Variants in MAP6D1 observed in about 807,000 individuals in gnomAD.
MAP6D1 encodes the protein MAP6 domain-containing protein 1.
A neutral mutation model predicts 17.4 loss-of-function variants in MAP6D1; 13 were observed. The observed-to-expected ratio is 0.75, with a 90% CI of 0.49 to 1.19. MAP6D1 has a LOEUF of 1.19. MAP6D1 is among the 50% of genes most tolerant of loss of function. The probability of loss-of-function intolerance (pLI) is 0.00; values close to 1 mark genes in which losing one functional copy is unlikely to be tolerated. For synonymous variants in MAP6D1, 141 were observed against 145.7 expected (o/e 0.97, Z 0.23); for missense variants, 313 against 312.6 (o/e 1.00, Z -0.01).
At position 183,825,486 on chromosome 3, in the gene MAP6D1, C is replaced by A. The variant is rs1360212745; in HGVS notation, c.62G>T (p.Arg21Leu). Residue 21 changes from arginine to leucine, a missense_variant, in exon 1 of 3, where the codon CGC (arginine) becomes CTC (leucine). Coordinates refer to ENST00000318631, the MANE Select transcript of MAP6D1 (RefSeq NM_024871.4). ...AGTGAGCGGCACCGCCACGTCGGAG[C>A]GGTCCAGCTGGTTCCAGCGCCGCGC... The part of the protein sequence containing the change: ...CLARRWNQLD[R>L]SDVAVPLTLH... 7.0e-7 allele frequency: 1 copy of A among 1,427,128 alleles called. No individual in the cohort carries two copies. Among genetic ancestry groups the A allele is most frequent in the Non-Finnish European group, 9.1e-7 (1 of 1,093,200 alleles). 88.4% of individuals were successfully genotyped at this position (1,427,128 alleles called of 1,614,324 possible). A position where few individuals can be genotyped will look rare whatever the true frequency, so the allele number is the denominator to read the frequency against.
At position 183,817,404 on chromosome 3, in the gene MAP6D1, G is replaced by A. The variant is rs1727139837; in HGVS notation, c.552C>T (p.Asn184=). The change falls in exon 3 of 3, where the codon AAC becomes AAT. Residue 184 remains asparagine, a synonymous_variant. Transcript: ENST00000318631. The stretch of plus-strand genomic sequence containing the variant: ...CTGAGGCCTGAAAGATGGCGGAGGG[G>A]TTAGGAGTGAACTTCTTCCTCACCT... ...VPEVRKKFTP[N]PSAIFQASAP... is the part of the protein sequence containing the mutation. 5 of 1,570,096 alleles carry A rather than the reference G, an allele frequency of 3.2e-6. No individual in the cohort carries two copies. Among genetic ancestry groups the A allele is most frequent in the Non-Finnish European group, 4.3e-6 (5 of 1,157,248 alleles).
chr3:183,825,218 G>C lies in MAP6D1; in HGVS notation c.330C>G (p.Pro110=). Reference sequence around the variant, plus strand: ...GCAGCACGTAGACCCCGCGGGCGCCGGGCGCAGGTGGCGCGGAGGACTGCG... The same window carrying C: ...GCAGCACGTAGACCCCGCGGGCGCCCGGCGCAGGTGGCGCGGAGGACTGCG... The part of the protein sequence containing the change: ...SSAQSSAPPA[P]GARGVYVLPI... The change falls in exon 1 of 3, where the codon CCC becomes CCG. Residue 110 remains proline, a synonymous_variant. Transcript: ENST00000318631. 1 of 1,430,748 alleles carries C rather than the reference G, an allele frequency of 7.0e-7. No individual in the cohort carries two copies. The highest frequency in any genetic ancestry group is 9.2e-7 in the Non-Finnish European group (1 of 1,090,592). The allele number at this position is 1,430,748 out of a possible 1,614,324, so 88.6% of individuals were successfully genotyped here.
At chr3:183,821,541 CT>C (rs59131602) in intron 1 of MAP6D1, among the ~76,000 whole-genome samples, 15,069 of 97,666 alleles carry the variant, frequency 0.15, 548 homozygotes, top group Middle Eastern at 0.23. Flanking sequence ...TGAGGGATTG[CT>C]TTTTTTTTTT....
At chr3:183,818,234 A>G (rs1235567282) in intron 1 of MAP6D1, 123 bp from the exon 2 acceptor site, 6 of 763,882 alleles carry the variant, frequency 7.9e-6, no homozygotes, top group Non-Finnish European at 1.3e-5. Flanking sequence ...GGCTCCAGGC[A>G]GTCCTCATCA....
In MAP6D1 at chr3:183,825,246, G is replaced by A. The variant is rs1406146908; in HGVS notation, c.302C>T (p.Ser101Phe). 7.2e-7 allele frequency: 1 copy of A among 1,380,266 alleles called. No homozygotes were observed. Among genetic ancestry groups the A allele is most frequent in the East Asian group, 3.1e-5 (1 of 32,548 alleles). 85.5% of individuals were successfully genotyped at this position (1,380,266 alleles called of 1,614,324 possible). A position where few individuals can be genotyped will look rare whatever the true frequency, so the allele number is the denominator to read the frequency against. ...CGCAGGTGGCGCGGAGGACTGCGCGGAGGATTTGCCCCTGCGGCCGCCCGC... is the reference window on the plus strand; with the variant it reads ...CGCAGGTGGCGCGGAGGACTGCGCGAAGGATTTGCCCCTGCGGCCGCCCGC... ...PGAGGRRGKS[S>F]AQSSAPPAPG... The change falls in exon 1 of 3, where the codon TCC becomes TTC. Residue 101 changes from serine (S) to phenylalanine (F), a missense_variant. Ser to Phe is a radical substitution (Grantham distance 155). Transcript: ENST00000318631.
chr3:183,820,633 C>T (rs1470364478), intron 1 of MAP6D1, among the ~76,000 whole-genome samples: 2 of 151,862 alleles, frequency 1.3e-5, no homozygotes, highest in African/African-American at 2.4e-5. Flanking sequence ...GGCACAGTGG[C>T]TCATGCCTGT....
chr3:183,824,196 T>C (rs1230411456), intron 1 of MAP6D1, among the ~76,000 whole-genome samples: 1 of 152,190 alleles, frequency 6.6e-6, no homozygotes, highest in Admixed American at 6.5e-5. Flanking sequence ...AGGATACCTG[T>C]AGGGAAAATT....
chr3:183,818,127 C>G lies in MAP6D1; in HGVS notation c.402-16G>C. 1.2e-6 allele frequency: 2 copies of G among 1,606,222 alleles called. No homozygotes were observed. Among genetic ancestry groups the G allele is most frequent in the Non-Finnish European group, 1.7e-6 (2 of 1,172,822 alleles). ...GAATTCCTGTCTGGAACAGAGAACA[C>G]GGTCACAAGCTTGCACAGGGTCAGC... On this transcript the variant is annotated splice_polypyrimidine_tract_variant and intron_variant, in intron 1 of 2. Transcript: ENST00000318631.
intron 1 of MAP6D1, among the ~76,000 whole-genome samples, chr3:183,819,507 G>A (rs1727196533): frequency 6.6e-6 from 1 of 152,220 alleles, no homozygotes; most frequent in Non-Finnish European, 1.5e-5. Flanking sequence ...AGCAATCCTG[G>A]CGGCCGCCAG....
intron 2 of MAP6D1, 147 bp downstream of exon 2, chr3:183,817,847 A>C: frequency 1.4e-6 from 1 of 713,476 alleles, no homozygotes; most frequent in South Asian, 1.7e-5. Flanking sequence ...ATGAGGAAGT[A>C]CCTTGGGTTT....
intron 1 of MAP6D1, among the ~76,000 whole-genome samples, chr3:183,823,875 C>G (rs1296171485): frequency 6.6e-6 from 1 of 152,188 alleles, no homozygotes; most frequent in African/African-American, 2.4e-5. Context: ...GAGTGAAAAG[C>G]CTTCCACCCC....
chr3:183,817,853 G>C (rs886419820), intron 2 of MAP6D1, 141 bp downstream of exon 2: 1 of 733,634 alleles, frequency 1.4e-6, no homozygotes, highest in African/African-American at 1.8e-5. Flanking sequence ...AAGTACCTTG[G>C]GTTTTTGTTC....
In MAP6D1 at chr3:183,817,214, T is replaced by C. The variant is rs1727133579; in HGVS notation, c.*142A>G. On this transcript the variant is annotated 3_prime_UTR_variant, in exon 3 of 3. Coordinates refer to ENST00000318631, the MANE Select transcript of MAP6D1 (RefSeq NM_024871.4). ...GTGCATCTGCTCCACACCAGCACTT[T>C]GGCCCTGGTGACAGCTTTGAGAGGG... 7 of 776,672 alleles carry C rather than the reference T, an allele frequency of 9.0e-6. No homozygotes were observed. In the South Asian group the frequency reaches 9.6e-5, roughly 11 times the overall value. The allele number at this position is 776,672 out of a possible 1,614,324, so 48.1% of individuals were successfully genotyped here.
intron 2 of MAP6D1, 53 bp from the exon 3 acceptor site, chr3:183,817,489 C>T (rs1258608173): frequency 1.4e-6 from 2 of 1,452,744 alleles, no homozygotes; most frequent in Non-Finnish European, 1.9e-6. Context: ...TAACTCCCTA[C>T]TCTTCCCCAC....
At chr3:183,817,464 A>G in intron 2 of MAP6D1, 28 bp from the exon 3 acceptor site, 3 of 1,546,112 alleles carry the variant, frequency 1.9e-6, no homozygotes, top group South Asian at 1.2e-5. Flanking sequence ...GCCACATATC[A>G]GTGGGACTTT....
intron 1 of MAP6D1, among the ~76,000 whole-genome samples, chr3:183,821,422 G>A (rs1436231941): frequency 6.6e-6 from 1 of 152,160 alleles, no homozygotes; most frequent in Non-Finnish European, 1.5e-5. Flanking sequence ...CTCAGGGAGT[G>A]CTGAGCCTGG....
chr3:183,825,313 G>T lies in MAP6D1; in HGVS notation c.235C>A (p.Pro79Thr), dbSNP rs1294916055. ...YQRDFGLWTT[P>T]AGPKDPPPGR... ...GGCGGCGGATCCTTGGGCCCGGCGGGCGTGGTCCACAAGCCGAAGTCCCGC... is the reference window on the plus strand; with the variant it reads ...GGCGGCGGATCCTTGGGCCCGGCGGTCGTGGTCCACAAGCCGAAGTCCCGC... The change falls in exon 1 of 3, where the codon CCC becomes ACC. Residue 79 changes from proline (P) to threonine (T), a missense_variant. Coordinates refer to ENST00000318631, the MANE Select transcript of MAP6D1 (RefSeq NM_024871.4). 3.7e-6 allele frequency: 5 copies of T among 1,354,658 alleles called. No individual in the cohort carries two copies. The highest frequency in any genetic ancestry group is 4.7e-6 in the Non-Finnish European group (5 of 1,055,388). 83.9% of individuals were successfully genotyped at this position (1,354,658 alleles called of 1,614,324 possible).
intron 2 of MAP6D1, 124 bp downstream of exon 2, chr3:183,817,870 T>A: frequency 1.3e-6 from 1 of 795,484 alleles, no homozygotes; most frequent in Admixed American, 2.2e-5. Flanking sequence ...GTTCGGGACA[T>A]CTGGTTGGCA....
At position 183,817,471 on chromosome 3, in the gene MAP6D1, C is replaced by G. The variant is rs1727142810; in HGVS notation, c.520-35G>C. 3.3e-6 allele frequency: 5 copies of G among 1,532,962 alleles called. No individual in the cohort carries two copies. In the South Asian group the frequency reaches 6.0e-5, roughly 18 times the overall value. The allele number at this position is 1,532,962 out of a possible 1,614,324, so 95.0% of individuals were successfully genotyped here. ...GAAGTGTGGCCACATATCAGTGGGA[C>G]TTTTCCTTAACTCCCTACTCTTCCC... is the stretch of plus-strand genomic sequence containing the variant. On this transcript the variant is annotated intron_variant, in intron 2 of 2. Transcript: ENST00000318631.
Sources: allele counts gnomAD v4.1 joint callset (sites outside exome capture counted in the v4.1 genomes callset), GRCh38; gene constraint gnomAD v4.1.1; transcripts MANE v1.5; gene names NCBI Gene and HGNC (gene_info 2026-07-23, HGNC 2026-07-21).